RNF38: variants seen among roughly 807,000 people sequenced by gnomAD.
The protein encoded by RNF38 is E3 ubiquitin-protein ligase RNF38.
Under a neutral mutation model 67.2 loss-of-function variants are expected in RNF38, and 15 were observed. That is an observed-to-expected ratio of 0.22 (90% CI 0.15 to 0.34). The LOEUF is 0.34. RNF38 is among the 10% of genes least tolerant of loss of function. RNF38 has a pLI of 1.00. For missense variants in RNF38, 524 were observed against 639.9 expected, an observed-to-expected ratio of 0.82 and a Z score of 1.95; for synonymous variants, 220 against 218.8, an observed-to-expected ratio of 1.01 and a Z score of -0.05.
At chr9:36,449,150 C>T (rs559382220) in intron 1 of RNF38, among the ~76,000 whole-genome samples, 4 of 152,258 alleles carry the variant, frequency 2.6e-5, no homozygotes, top group African/African-American at 9.6e-5. Context: ...TCACCATTTA[C>T]ACAAGAACTA....
intron 4 of RNF38, 71 bp downstream of exon 4, chr9:36,369,648 C>G (rs559213192): frequency 1.7e-6 from 2 of 1,188,660 alleles, no homozygotes; most frequent in Admixed American, 6.0e-5. Context: ...CAACAAAAAG[C>G]CAAAAAAAAA....
intron 4 of RNF38, among the ~76,000 whole-genome samples, chr9:36,358,855 C>G (rs10814379): frequency 0.35 from 53,287 of 151,968 alleles, 9,429 homozygotes; most frequent in Non-Finnish European, 0.38. Context: ...ACTAAAAATA[C>G]AAAAAATTAG....
At chr9:36,375,680 AG>A (rs1321177799) in intron 3 of RNF38, among the ~76,000 whole-genome samples, 1 of 152,192 alleles carries the variant, frequency 6.6e-6, no homozygotes, top group African/African-American at 2.4e-5. Context: ...CTGTACCTTA[AG>A]TAGCTAATTT....
At chr9:36,435,790 C>T (rs1380249479) in intron 1 of RNF38, among the ~76,000 whole-genome samples, 2 of 151,966 alleles carry the variant, frequency 1.3e-5, no homozygotes, top group South Asian at 2.1e-4. Context: ...CCACGACGCC[C>T]GGCTAATTTT....
intron 1 of RNF38, among the ~76,000 whole-genome samples, chr9:36,474,090 G>C (rs532942123): frequency 1.1e-4 from 16 of 151,822 alleles, no homozygotes; most frequent in Non-Finnish European, 1.9e-4. Context: ...AAGGCGGGCG[G>C]ATCACGAGGT....
intron 1 of RNF38, among the ~76,000 whole-genome samples, chr9:36,426,841 C>T (rs1838785342): frequency 6.6e-6 from 1 of 152,150 alleles, no homozygotes; most frequent in Non-Finnish European, 1.5e-5. Context: ...AATCATATGC[C>T]TCCCTCATCT....
At chr9:36,387,480 TA>T (rs1201878117) in intron 2 of RNF38, among the ~76,000 whole-genome samples, 1 of 152,198 alleles carries the variant, frequency 6.6e-6, no homozygotes, top group Non-Finnish European at 1.5e-5. Context: ...CCACTGATAG[TA>T]AAGACATGCC....
At chr9:36,395,653 A>G (rs1301548660) in intron 1 of RNF38, among the ~76,000 whole-genome samples, 1 of 152,226 alleles carries the variant, frequency 6.6e-6, no homozygotes, top group African/African-American at 2.4e-5. Flanking sequence ...AATTAGGTAG[A>G]TTAATAATTT....
chr9:36,466,648 A>G (rs753833725), intron 1 of RNF38, among the ~76,000 whole-genome samples: 4 of 152,184 alleles, frequency 2.6e-5, no homozygotes, highest in Non-Finnish European at 5.9e-5. Context: ...CAACATTATT[A>G]TAAAGTGGGA....
chr9:36,427,129 A>G (rs142913722), intron 1 of RNF38, among the ~76,000 whole-genome samples: 1,561 of 152,354 alleles, frequency 0.01, 21 homozygotes, highest in Middle Eastern at 0.037. Context: ...CTCCAGCCAC[A>G]TAATAGGCTC....
In RNF38 at chr9:36,425,784, G is replaced by C. The variant is rs553657376; in HGVS notation, n.242-1101C>G. Among the ~76,000 whole-genome samples the C allele has an allele frequency of 2.9e-3, 441 of 150,700 alleles. 1 individual carries two copies. The highest frequency in any genetic ancestry group is 4.7e-3 in the Non-Finnish European group (319 of 67,732). On this transcript the variant is annotated intron_variant and non_coding_transcript_variant, in intron 1 of 3. Transcript: ENST00000488058. ...TTAAACATTAAGTCATAAATAAAAAGCACACGACTGTGGACCAAAGGCTAA... is the reference window on the plus strand; with the variant it reads ...TTAAACATTAAGTCATAAATAAAAACCACACGACTGTGGACCAAAGGCTAA...
At chr9:36,367,933 C>G (rs571878792) in intron 4 of RNF38, among the ~76,000 whole-genome samples, 26 of 152,184 alleles carry the variant, frequency 1.7e-4, no homozygotes, top group South Asian at 4.1e-4. Flanking sequence ...CTCACTGCAA[C>G]CTCCACCTCA....
rs754395664 is a variant in RNF38, at chr9:36,400,058, G to A, written c.12+39C>T. On this transcript the variant is annotated intron_variant, in intron 1 of 11. Coordinates refer to ENST00000259605, the MANE Select transcript of RNF38 (RefSeq NM_022781.5). ...CATACCCAACTTTTACTGAATAATA[G>A]CATATATCATTTTTGCAACACAAAG... is the stretch of plus-strand genomic sequence containing the variant. 1.5e-5 allele frequency: 24 copies of A among 1,583,528 alleles called. No individual in the cohort carries two copies. The South Asian group carries it at 2.3e-4, about 15-fold the overall frequency.
intron 1 of RNF38, among the ~76,000 whole-genome samples, chr9:36,460,221 A>C (rs973048834): frequency 6.6e-6 from 1 of 152,186 alleles, no homozygotes; most frequent in Non-Finnish European, 1.5e-5. Context: ...AAGAGCAATA[A>C]ATATACTAGA....
intron 1 of RNF38, among the ~76,000 whole-genome samples, chr9:36,446,673 T>C (rs1459470575): frequency 6.6e-6 from 1 of 151,118 alleles, no homozygotes; most frequent in Non-Finnish European, 1.5e-5. Context: ...CCAGGCATGA[T>C]GGCCCCCGCC....
chr9:36,392,260 A>G (rs941551370), intron 1 of RNF38, among the ~76,000 whole-genome samples: 2 of 152,256 alleles, frequency 1.3e-5, no homozygotes, highest in Non-Finnish European at 2.9e-5. Context: ...AGACTCACCT[A>G]GAAGTAAAAA....
chr9:36,440,116 C>T (rs573708838), intron 1 of RNF38, among the ~76,000 whole-genome samples: 2 of 152,180 alleles, frequency 1.3e-5, no homozygotes, highest in East Asian at 3.9e-4. Context: ...TGTGGTGGCT[C>T]GTGCCCATAA....
intron 9 of RNF38, 79 bp downstream of exon 9, chr9:36,351,036 T>G: frequency 9.9e-7 from 1 of 1,010,444 alleles, no homozygotes; most frequent in Non-Finnish European, 1.5e-6. Context: ...ATTGGACACC[T>G]GTGGTTTAAA....
chr9:36,441,081 T>C (rs1456669590), intron 1 of RNF38, among the ~76,000 whole-genome samples: 2 of 152,082 alleles, frequency 1.3e-5, no homozygotes, highest in Admixed American at 6.5e-5. Context: ...AGTCGGGTCC[T>C]GGGAGGAAAG....
Sources: gnomAD v4.1 joint callset for allele counts (sites outside exome capture counted in the v4.1 genomes callset) on GRCh38, gnomAD v4.1.1 for gene constraint, MANE v1.5 for transcripts, NCBI Gene and HGNC (gene_info 2026-07-23, HGNC 2026-07-21) for gene names.